PPP2R2B: variants seen among roughly 807,000 people sequenced by gnomAD.
PPP2R2B encodes serine/threonine-protein phosphatase 2A 55 kDa regulatory subunit B beta isoform.
A neutral mutation model predicts 46.0 loss-of-function variants in PPP2R2B; 5 were observed. The observed-to-expected ratio is 0.11, with a 90% CI of 0.06 to 0.23. The LOEUF is 0.23. Ranked by LOEUF, PPP2R2B falls within the 10% of genes least tolerant of loss-of-function variation. The probability of loss-of-function intolerance (pLI) is 1.00; values close to 1 mark genes in which losing one functional copy is unlikely to be tolerated. For missense variants in PPP2R2B, 367 were observed against 575.0 expected (o/e 0.64, Z 3.70); for synonymous variants, 215 against 206.7 (o/e 1.04, Z -0.34).
At chr5:146,937,725 G>T (rs1179917207) in intron 1 of PPP2R2B, among the ~76,000 whole-genome samples, 1 of 152,048 alleles carries the variant, frequency 6.6e-6, no homozygotes, top group African/African-American at 2.4e-5. Flanking sequence ...GGAGCTGCAG[G>T]TCGCTCGGTA....
At chr5:146,650,057 A>G (rs1362156615) in intron 6 of PPP2R2B, among the ~76,000 whole-genome samples, 1 of 152,204 alleles carries the variant, frequency 6.6e-6, no homozygotes, top group Non-Finnish European at 1.5e-5. Flanking sequence ...TATATGCATA[A>G]TATACTTCAA....
intron 2 of PPP2R2B, among the ~76,000 whole-genome samples, chr5:146,732,331 T>A (rs1423156210): frequency 6.6e-6 from 1 of 152,238 alleles, no homozygotes; most frequent in South Asian, 2.1e-4. Context: ...ATAGCACTGA[T>A]AAATGATAAT....
intron 7 of PPP2R2B, among the ~76,000 whole-genome samples, chr5:146,628,975 C>T (rs1049854959): frequency 2.0e-5 from 3 of 152,212 alleles, no homozygotes; most frequent in African/African-American, 7.2e-5. Context: ...GCCACCTCCT[C>T]CTTTCCCCTA....
At chr5:146,632,018 T>C (rs990059935) in intron 7 of PPP2R2B, among the ~76,000 whole-genome samples, 4 of 152,066 alleles carry the variant, frequency 2.6e-5, no homozygotes, top group South Asian at 2.1e-4. Flanking sequence ...GCTTGTGTTC[T>C]TGATGACTTT....
intron 1 of PPP2R2B, among the ~76,000 whole-genome samples, chr5:147,010,139 G>A (rs1754645408): frequency 6.6e-6 from 1 of 152,034 alleles, no homozygotes; most frequent in African/African-American, 2.4e-5. Flanking sequence ...TAAATATGGT[G>A]CATAAAAGCA....
chr5:146,728,449 T>G (rs1457101461), intron 2 of PPP2R2B, among the ~76,000 whole-genome samples: 2 of 152,206 alleles, frequency 1.3e-5, no homozygotes, highest in Admixed American at 1.3e-4. Flanking sequence ...GATTATGTTC[T>G]GTACATGCTC....
chr5:146,936,534 A>C (rs1764147687), intron 1 of PPP2R2B, among the ~76,000 whole-genome samples: 1 of 151,740 alleles, frequency 6.6e-6, no homozygotes, highest in Admixed American at 6.6e-5. Context: ...AAAAAGAAAA[A>C]ACAAGACATG....
At chr5:147,074,979 A>G (rs1165099285) in intron 2 of PPP2R2B, among the ~76,000 whole-genome samples, 1 of 152,174 alleles carries the variant, frequency 6.6e-6, no homozygotes, top group Non-Finnish European at 1.5e-5. Context: ...ACAGACATCA[A>G]AGAACTGCAG....
chr5:147,033,352 A>G (rs1336566231), intron 1 of PPP2R2B, among the ~76,000 whole-genome samples: 2 of 152,190 alleles, frequency 1.3e-5, no homozygotes, highest in Admixed American at 1.3e-4. Context: ...GAGGGATGAT[A>G]CACAACTCAA....
intron 1 of PPP2R2B, among the ~76,000 whole-genome samples, chr5:146,895,981 G>T (rs1762632958): frequency 6.6e-6 from 1 of 151,894 alleles, no homozygotes; most frequent in East Asian, 1.9e-4. Flanking sequence ...GTCCAAAGGG[G>T]TCATTACTGT....
chr5:146,678,427 G>A (rs1179328570), intron 5 of PPP2R2B, among the ~76,000 whole-genome samples: 1 of 139,862 alleles, frequency 7.1e-6, no homozygotes, highest in African/African-American at 3.1e-5. Context: ...CAAACCCACA[G>A]CCAATATCAT....
At position 146,765,508 on chromosome 5, in the gene PPP2R2B, C is replaced by T. The variant is rs562777130; in HGVS notation, c.71-64366G>A. ...TAAACCACATATTATGAGAAGTGGC[C>T]AAAACCCTTTGTGTTAGCATCTGAC... On this transcript the variant is annotated intron_variant, in intron 2 of 9. Coordinates refer to ENST00000394411, the MANE Select transcript of PPP2R2B (RefSeq NM_181675.4). 7.9e-5 allele frequency among the ~76,000 whole-genome samples: 12 copies of T among 152,264 alleles called. No homozygotes were observed. The South Asian group carries it at 1.9e-3, about 24-fold the overall frequency.
At chr5:146,803,130 C>T (rs1317097534) in intron 2 of PPP2R2B, among the ~76,000 whole-genome samples, 1 of 152,152 alleles carries the variant, frequency 6.6e-6, no homozygotes, top group African/African-American at 2.4e-5. Context: ...GAGCGCATGC[C>T]TAATGCCATC....
chr5:147,030,309 A>G (rs1378144629), intron 1 of PPP2R2B, among the ~76,000 whole-genome samples: 1 of 152,168 alleles, frequency 6.6e-6, no homozygotes, highest in Non-Finnish European at 1.5e-5. Flanking sequence ...TGAAGATATA[A>G]GTTCATTTTA....
intron 2 of PPP2R2B, among the ~76,000 whole-genome samples, chr5:146,801,806 A>G (rs1303465480): frequency 6.6e-6 from 1 of 152,238 alleles, no homozygotes; most frequent in Non-Finnish European, 1.5e-5. Flanking sequence ...GCTGGCTATT[A>G]TCATAATCCC....
intron 2 of PPP2R2B, among the ~76,000 whole-genome samples, chr5:146,820,856 C>G (rs1323105694): frequency 6.6e-6 from 1 of 152,172 alleles, no homozygotes; most frequent in East Asian, 1.9e-4. Context: ...GAGCACTTCT[C>G]AGCTGCACCA....
chr5:147,036,912 T>C (rs1011635251), intron 1 of PPP2R2B, among the ~76,000 whole-genome samples: 11 of 152,260 alleles, frequency 7.2e-5, no homozygotes, highest in African/African-American at 2.6e-4. Context: ...ATCAACAAAT[T>C]CTATTAAGCT....
chr5:147,078,206 T>C (rs1190026784), intron 2 of PPP2R2B, among the ~76,000 whole-genome samples: 1 of 152,214 alleles, frequency 6.6e-6, no homozygotes, highest in Non-Finnish European at 1.5e-5. Flanking sequence ...ATAATATTTA[T>C]ATTAATAGCT....
intron 1 of PPP2R2B, among the ~76,000 whole-genome samples, chr5:147,037,147 AG>A (rs1340130513): frequency 2.2e-5 from 2 of 92,324 alleles, no homozygotes; most frequent in Admixed American, 1.4e-4. Flanking sequence ...AGGAAACTAC[AG>A]TAGCTTCAGG....
Sources: allele counts gnomAD v4.1 joint callset (sites outside exome capture counted in the v4.1 genomes callset), GRCh38; gene constraint gnomAD v4.1.1; transcripts MANE v1.5; gene names NCBI Gene and HGNC (gene_info 2026-07-23, HGNC 2026-07-21).